Variants in SLC4A10 observed in about 807,000 individuals in gnomAD.
SLC4A10 encodes the protein solute carrier family 4 member 10.
Under a neutral mutation model 137.7 loss-of-function variants are expected in SLC4A10, and 42 were observed. The observed-to-expected ratio is 0.30, with a 90% confidence interval of 0.24 to 0.39. SLC4A10 has a LOEUF of 0.39. Among genes scored for constraint, SLC4A10 ranks in the 10% least tolerant of loss-of-function variants. The pLI is 1.00. For missense variants in SLC4A10, 925 were observed against 1,355.0 expected, an observed-to-expected ratio of 0.68 and a Z score of 4.98; for synonymous variants, 474 against 464.1, an observed-to-expected ratio of 1.02 and a Z score of -0.27.
chr2:161,909,221 T>G (rs935464278), intron 15 of SLC4A10, among the ~76,000 whole-genome samples: 2 of 151,638 alleles, frequency 1.3e-5, no homozygotes, highest in Non-Finnish European at 2.9e-5. Context: ...ACCCTAAAAC[T>G]TAAAGTATAA....
At position 161,957,834 on chromosome 2, in the gene SLC4A10, G is replaced by A. The variant is rs1201684812; in HGVS notation, c.2793+594G>A. Among the ~76,000 whole-genome samples, 3 of 152,154 alleles carry A rather than the reference G, an allele frequency of 2.0e-5. No individual in the cohort carries two copies. The East Asian group carries it at 5.8e-4, about 29-fold the overall frequency. On this transcript the variant is annotated intron_variant, in intron 20 of 26. Coordinates refer to ENST00000446997, the MANE Select transcript of SLC4A10 (RefSeq NM_001178015.2). ...TAATTTTGTCAGATATTTCCAAGGT[G>A]TGTCAATTGCGCTATAAATTACAAC... is the stretch of plus-strand genomic sequence containing the variant.
chr2:161,747,512 C>T (rs1430941323), intron 1 of SLC4A10, among the ~76,000 whole-genome samples: 1 of 152,086 alleles, frequency 6.6e-6, no homozygotes, highest in African/African-American at 2.4e-5. Context: ...AAATCAGGTA[C>T]TGTGATTACT....
intron 1 of SLC4A10, among the ~76,000 whole-genome samples, chr2:161,668,564 A>G (rs545540576): frequency 3.3e-5 from 5 of 151,808 alleles, no homozygotes; most frequent in African/African-American, 7.2e-5. Context: ...TAAATATTAG[A>G]TGATAGTGTT....
intron 15 of SLC4A10, chr2:161,931,547 C>A (rs557596001): frequency 6.6e-6 from 1 of 152,244 alleles, no homozygotes; most frequent in South Asian, 2.1e-4. Context: ...CTTTTTAAAT[C>A]TTTAAGTAGT....
intron 15 of SLC4A10, among the ~76,000 whole-genome samples, chr2:161,931,943 A>G (rs1414710364): frequency 6.6e-6 from 1 of 152,204 alleles, no homozygotes; most frequent in Admixed American, 6.5e-5. Context: ...TCATGTATAT[A>G]TCCACTATAA....
intron 6 of SLC4A10, among the ~76,000 whole-genome samples, chr2:161,865,347 T>C (rs910047820): frequency 6.6e-6 from 1 of 152,116 alleles, no homozygotes; most frequent in South Asian, 2.1e-4. Context: ...AGCCTGCTTT[T>C]TGTCTTATTT....
intron 1 of SLC4A10, among the ~76,000 whole-genome samples, chr2:161,767,013 A>G (rs912486369): frequency 1.3e-5 from 2 of 148,300 alleles, no homozygotes; most frequent in South Asian, 2.1e-4. Flanking sequence ...AAATGTATCT[A>G]TAATCCTTTA....
In SLC4A10 at chr2:161,791,668, A is replaced by G. The variant is rs148019100; in HGVS notation, c.131-12781A>G. Among the ~76,000 whole-genome samples the G allele has an allele frequency of 2.6e-5, 4 of 152,326 alleles. No homozygotes were observed. In the East Asian group the frequency reaches 7.7e-4, roughly 29 times the overall value. ...TAAAAAACGAAATTACTTTTGTTCC[A>G]GAATTAACTCTCAGATGTTCCATGT... On this transcript the variant is annotated intron_variant, in intron 2 of 26. Coordinates refer to ENST00000446997, the MANE Select transcript of SLC4A10 (RefSeq NM_001178015.2).
At chr2:161,894,527 T>A (rs1200360427) in intron 10 of SLC4A10, among the ~76,000 whole-genome samples, 152 bp from the exon 11 acceptor site, 2 of 152,082 alleles carry the variant, frequency 1.3e-5, no homozygotes, top group African/African-American at 2.4e-5. Flanking sequence ...TAAATTATAA[T>A]ATTTTACAAC....
intron 1 of SLC4A10, among the ~76,000 whole-genome samples, chr2:161,664,721 T>TC (rs2038849730): frequency 2.0e-5 from 3 of 151,148 alleles, no homozygotes; most frequent in Admixed American, 6.6e-5. Flanking sequence ...CTTTTTTTTT[T>TC]CCAATTTTTA....
At chr2:161,758,360 T>C (rs1391163834) in intron 1 of SLC4A10, among the ~76,000 whole-genome samples, 1 of 151,978 alleles carries the variant, frequency 6.6e-6, no homozygotes, top group Non-Finnish European at 1.5e-5. Context: ...TTTTCACTTA[T>C]CATTGAAGTT....
At chr2:161,742,480 C>T (rs1177919525) in intron 1 of SLC4A10, among the ~76,000 whole-genome samples, 34 of 135,324 alleles carry the variant, frequency 2.5e-4, no homozygotes, top group Non-Finnish European at 4.6e-4. Context: ...CTCGCACTGT[C>T]GCCCAGGCTG....
At chr2:161,679,032 A>G (rs138222726) in intron 1 of SLC4A10, among the ~76,000 whole-genome samples, 73 of 152,202 alleles carry the variant, frequency 4.8e-4, no homozygotes, top group African/African-American at 1.6e-3. Flanking sequence ...CTATTACCCA[A>G]TAGTTTTCCA....
chr2:161,733,478 G>A (rs964002894), intron 1 of SLC4A10, among the ~76,000 whole-genome samples: 1 of 152,194 alleles, frequency 6.6e-6, no homozygotes, highest in African/African-American at 2.4e-5. Flanking sequence ...AGATTTCAGA[G>A]GATGCATGGA....
chr2:161,727,205 G>C (rs1466278901), intron 1 of SLC4A10, among the ~76,000 whole-genome samples: 3 of 152,216 alleles, frequency 2.0e-5, no homozygotes, highest in Non-Finnish European at 2.9e-5. Flanking sequence ...AGAGCTGGCA[G>C]CCAGGCCTTC....
intron 11 of SLC4A10, among the ~76,000 whole-genome samples, chr2:161,896,888 G>A (rs2063565114): frequency 6.6e-6 from 1 of 151,914 alleles, no homozygotes; most frequent in Non-Finnish European, 1.5e-5. Flanking sequence ...TTATCCAAGA[G>A]GAATATTAAA....
intron 1 of SLC4A10, among the ~76,000 whole-genome samples, chr2:161,744,170 A>G (rs1396980661): frequency 2.0e-5 from 3 of 152,130 alleles, no homozygotes; most frequent in African/African-American, 7.2e-5. Context: ...ACTATGGTGA[A>G]CAACAGCAGT....
chr2:161,658,859 A>G (rs1384206133), intron 1 of SLC4A10, among the ~76,000 whole-genome samples: 5 of 152,048 alleles, frequency 3.3e-5, no homozygotes, highest in Non-Finnish European at 5.9e-5. Flanking sequence ...CTAAAGCGCC[A>G]GGATTACAGG....
intron 1 of SLC4A10, among the ~76,000 whole-genome samples, chr2:161,714,148 T>A (rs1181524633): frequency 6.6e-6 from 1 of 151,920 alleles, no homozygotes; most frequent in Non-Finnish European, 1.5e-5. Context: ...ACTTCCTGTA[T>A]AAATCTACAT....
Sources: allele counts gnomAD v4.1 joint callset (sites outside exome capture counted in the v4.1 genomes callset), GRCh38; gene constraint gnomAD v4.1.1; transcripts MANE v1.5; gene names NCBI Gene and HGNC (gene_info 2026-07-23, HGNC 2026-07-21).